ELL: variants seen among roughly 807,000 people sequenced by gnomAD.
ELL encodes RNA polymerase II elongation factor ELL.
Under a neutral mutation model 64.0 loss-of-function variants are expected in ELL, and 18 were observed. The observed-to-expected ratio is 0.28, with a 90% CI of 0.19 to 0.42. The LOEUF is 0.42. Ranked by LOEUF, ELL falls within the 10% of genes least tolerant of loss-of-function variation. ELL has a pLI of 1.00. For missense variants in ELL, 797 were observed against 870.4 expected (o/e 0.92, Z 1.06); for synonymous variants, 399 against 376.2 (o/e 1.06, Z -0.70).
Position 18,460,976 on chromosome 19 carries a change from G to A in ELL, c.744+602C>T, listed in dbSNP as rs555410755. ...GCCTCAGGAACCTCCATGGGTGAGG[G>A]GGGTGGAAGGCAGTCAGGGCCATCG... is the stretch of plus-strand genomic sequence containing the variant. On this transcript the variant is annotated intron_variant, in intron 5 of 11. Coordinates refer to ENST00000262809, the MANE Select transcript of ELL (RefSeq NM_006532.4). 4.6e-5 allele frequency among the ~76,000 whole-genome samples: 7 copies of A among 152,292 alleles called. 1 individual carries two copies. The South Asian group carries it at 1.0e-3, about 23-fold the overall frequency.
intron 1 of ELL, among the ~76,000 whole-genome samples, chr19:18,511,980 C>T (rs1976034819): frequency 6.6e-6 from 1 of 151,968 alleles, no homozygotes; most frequent in East Asian, 1.9e-4. Context: ...GATGGTGAAA[C>T]CCCGTCTCTA....
intron 1 of ELL, among the ~76,000 whole-genome samples, chr19:18,521,645 G>A (rs1976280451): frequency 3.3e-5 from 5 of 151,970 alleles, no homozygotes; most frequent in Admixed American, 2.6e-4. Context: ...ACGCCGCCAG[G>A]TGCCGACACC....
intron 2 of ELL, among the ~76,000 whole-genome samples, chr19:18,466,318 T>C (rs574584511): frequency 1.3e-5 from 2 of 152,300 alleles, no homozygotes; most frequent in Admixed American, 6.5e-5. Context: ...CGACACCCTA[T>C]GAGGTAAAAT....
intron 1 of ELL, among the ~76,000 whole-genome samples, chr19:18,509,279 G>A (rs1216166496): frequency 6.6e-6 from 1 of 151,790 alleles, no homozygotes; most frequent in Non-Finnish European, 1.5e-5. Context: ...CCAGGTGTAG[G>A]GGCTACAAGA....
intron 1 of ELL, among the ~76,000 whole-genome samples, chr19:18,514,386 C>T (rs1471945242): frequency 1.3e-5 from 2 of 151,518 alleles, no homozygotes; most frequent in Non-Finnish European, 2.9e-5. Flanking sequence ...TGGTGACGGG[C>T]GCCTGTAGTC....
rs1475126894 is a variant in ELL, at chr19:18,459,569, G to GAT, written c.745-1241_745-1240insAT. Among the ~76,000 whole-genome samples, 533 of 138,130 alleles carry GAT rather than the reference G, an allele frequency of 3.9e-3. 5 individuals are homozygous for GAT. Among genetic ancestry groups the GAT allele is most frequent in the African/African-American group, 0.014 (508 of 36,398 alleles). The allele number at this position is 138,130 out of a possible 152,430, so 90.6% of individuals were successfully genotyped here. A position where few individuals can be genotyped will look rare whatever the true frequency, so the allele number is the denominator to read the frequency against. The stretch of plus-strand genomic sequence containing the variant: ...GAGTCTCGCTCAGTTGCCCAGGCTA[G>GAT]AGTGCAATGGCGCTATCTTGGCTCA... On this transcript the variant is annotated intron_variant, in intron 5 of 11. Transcript: ENST00000262809.
chr19:18,507,415 C>T (rs6512269), intron 1 of ELL, among the ~76,000 whole-genome samples: 44,444 of 152,246 alleles, frequency 0.29, 7,788 homozygotes, highest in African/African-American at 0.49. Context: ...CTGAGTCTTT[C>T]AAGCCACTGG....
intron 1 of ELL, among the ~76,000 whole-genome samples, chr19:18,482,799 G>A (rs983082780): frequency 6.6e-6 from 1 of 151,864 alleles, no homozygotes; most frequent in African/African-American, 2.4e-5. Context: ...TGTTGTTGCT[G>A]CTGTTGTTTT....
At chr19:18,462,574 G>T (rs1255505347) in intron 4 of ELL, among the ~76,000 whole-genome samples, 3 of 151,700 alleles carry the variant, frequency 2.0e-5, no homozygotes, top group African/African-American at 7.3e-5. Context: ...TAGAGATGGG[G>T]TCTCACTATG....
chr19:18,465,934 G>A lies in ELL; in HGVS notation c.184-16C>T. ...TGGAGATGTGCTGCGTGGAGGGGGAGGGGGTGTCACTGGGAGGTCCTCGGC... is the reference window on the plus strand; with the variant it reads ...TGGAGATGTGCTGCGTGGAGGGGGAAGGGGTGTCACTGGGAGGTCCTCGGC... On this transcript the variant is annotated splice_polypyrimidine_tract_variant and intron_variant, in intron 2 of 11. Coordinates refer to ENST00000262809, the MANE Select transcript of ELL (RefSeq NM_006532.4). 7.7e-7 allele frequency: 1 copy of A among 1,294,502 alleles called. No individual in the cohort carries two copies. The highest frequency in any genetic ancestry group is 9.9e-7 in the Non-Finnish European group (1 of 1,014,640). The allele number at this position is 1,294,502 out of a possible 1,614,324, so 80.2% of individuals were successfully genotyped here. A position where few individuals can be genotyped will look rare whatever the true frequency, so the allele number is the denominator to read the frequency against.
chr19:18,451,694 TA>T (rs774362637), intron 6 of ELL, 46 bp from the exon 7 acceptor site: 2 of 1,427,050 alleles, frequency 1.4e-6, no homozygotes, highest in South Asian at 1.4e-5. Context: ...TGAGGGGGCC[TA>T]GGGGCCCCAG....
chr19:18,482,762 T>TG (rs1272069604), intron 1 of ELL, among the ~76,000 whole-genome samples: 75 of 140,186 alleles, frequency 5.4e-4, no homozygotes, highest in Admixed American at 1.3e-3. Context: ...TCTTTTTGGT[T>TG]TTTGTTGTTG....
At chr19:18,461,193 CCTGCCAGGCT>C (rs1438195878) in intron 5 of ELL, among the ~76,000 whole-genome samples, 21 of 152,208 alleles carry the variant, frequency 1.4e-4, no homozygotes, top group African/African-American at 4.6e-4. Flanking sequence ...CACACTGAGG[CCTGCCAGGCT>C]CTGCCAGGCA....
intron 10 of ELL, 94 bp downstream of exon 10, chr19:18,446,213 CTG>C (rs1406874627): frequency 2.1e-6 from 2 of 942,702 alleles, no homozygotes; most frequent in Non-Finnish European, 2.9e-6. Context: ...GGGCCAGACT[CTG>C]GGGCCACCAA....
intron 4 of ELL, among the ~76,000 whole-genome samples, chr19:18,462,888 T>C (rs918000653): frequency 6.6e-6 from 1 of 152,162 alleles, no homozygotes; most frequent in Non-Finnish European, 1.5e-5. Flanking sequence ...ACCCCAGCCT[T>C]AGGCCTGGTC....
At position 18,519,755 on chromosome 19, in the gene ELL, C is replaced by T. The variant is rs9917071; in HGVS notation, c.135+2166G>A. On this transcript the variant is annotated intron_variant, in intron 1 of 11. Transcript: ENST00000262809. ...CCGGGAGGCAGAAGCTGCAGTGAGC[C>T]GGGATCGCGCCACCTCAATGAAGCC... Among the ~76,000 whole-genome samples, 1,045 of 147,076 alleles carry T rather than the reference C, an allele frequency of 7.1e-3. 13 individuals carry two copies. Among genetic ancestry groups the T allele is most frequent in the African/African-American group, 0.024 (965 of 39,390 alleles).
rs566474553 is a variant in ELL, at chr19:18,450,770, G to C, written c.1172C>G (p.Pro391Arg). The change falls in exon 8 of 12, where the codon CCG becomes CGG. Residue 391 changes from proline to arginine, a missense_variant. Physicochemically the swap from Pro to Arg is moderately radical, Grantham distance 103. Coordinates refer to ENST00000262809, the MANE Select transcript of ELL (RefSeq NM_006532.4). ...STHLPPRLEP[P>R]RAHDPLADVS... is the part of the protein sequence containing the mutation. ...ATCGGCCAGGGGGTCGTGGGCCCTC[G>C]GGGGCTCCAGCCGCGGGGGCAGGTG... is the stretch of plus-strand genomic sequence containing the variant. The C allele has an allele frequency of 6.3e-7, 1 of 1,578,536 alleles. No homozygotes were observed. The highest frequency in any genetic ancestry group is 8.6e-7 in the Non-Finnish European group (1 of 1,162,632).
chr19:18,491,000 T>C (rs1177636404), intron 1 of ELL, among the ~76,000 whole-genome samples: 1 of 152,210 alleles, frequency 6.6e-6, no homozygotes, highest in Non-Finnish European at 1.5e-5. Context: ...TAGGCTACAG[T>C]ATCCAGCTGT....
rs541383520 is a variant in ELL at position 18,470,419 on chromosome 19, G to A, written c.183+2416C>T. ...CAGAAGGCACAGAGTGACTGCTGTA[G>A]GACACCAGAGGGCACTGTGGGGCTG... On this transcript the variant is annotated intron_variant, in intron 2 of 11. Transcript: ENST00000262809. Among the ~76,000 whole-genome samples the A allele has an allele frequency of 7.2e-5, 11 of 152,358 alleles. No homozygotes were observed. The East Asian group carries it at 1.5e-3, about 21-fold the overall frequency.
Sources: gnomAD v4.1 joint callset for allele counts (sites outside exome capture counted in the v4.1 genomes callset) on GRCh38, gnomAD v4.1.1 for gene constraint, MANE v1.5 for transcripts, NCBI Gene and HGNC (gene_info 2026-07-23, HGNC 2026-07-21) for gene names.